TMEM132D: variants seen among roughly 807,000 people sequenced by gnomAD.
TMEM132D encodes the protein transmembrane protein 132D, also known as mature OL transmembrane protein.
TMEM132D carries 21 observed loss-of-function variants against 62.3 expected under a neutral mutation model. The observed-to-expected ratio is 0.34, with a 90% CI of 0.24 to 0.49. The LOEUF is 0.49. Ranked by LOEUF, TMEM132D falls within the 20% of genes least tolerant of loss-of-function variation. The pLI, the probability that TMEM132D is intolerant of heterozygous loss-of-function variation, is 0.99. For missense variants in TMEM132D, 1,346 were observed against 1,402.8 expected (o/e 0.96, Z 0.65); for synonymous variants, 621 against 575.6 (o/e 1.08, Z -1.13).
Position 129,392,526 on chromosome 12 carries a change from G to A in TMEM132D, c.1116-54709C>T, listed in dbSNP as rs532852716. Among the ~76,000 whole-genome samples, 63 of 152,290 alleles carry A rather than the reference G, an allele frequency of 4.1e-4. No individual in the cohort carries two copies. The South Asian group carries it at 6.8e-3, about 17-fold the overall frequency. ...GCCTGCACATCCACATGCAGCATGC[G>A]CTTGTTGACAACACCCTCCCTGTAA... On this transcript the variant is annotated intron_variant, in intron 3 of 8. Transcript: ENST00000422113.
rs1421579128 is a variant in TMEM132D, at chr12:129,072,794, T to A, written c.*1081A>T. On this transcript the variant is annotated 3_prime_UTR_variant, in exon 9 of 9. Transcript: ENST00000422113. The stretch of plus-strand genomic sequence containing the variant: ...TGAACAGTGAAAGACCCATCCCAAG[T>A]GGCCCTGTTTTCTTTCTAGTAAAGC... The A allele has an allele frequency of 1.3e-5, 2 of 152,198 alleles. No homozygotes were observed. Among genetic ancestry groups the A allele is most frequent in the Non-Finnish European group, 2.9e-5 (2 of 68,032 alleles). The allele number at this position is 152,198 out of a possible 1,614,324, so 9.4% of individuals were successfully genotyped here. A position where few individuals can be genotyped will look rare whatever the true frequency, so the allele number is the denominator to read the frequency against.
chr12:129,829,368 T>C (rs1872761105), intron 1 of TMEM132D, among the ~76,000 whole-genome samples: 1 of 152,154 alleles, frequency 6.6e-6, no homozygotes, highest in Non-Finnish European at 1.5e-5. Context: ...TTAGGGATGA[T>C]GGCAATAAGA....
At chr12:129,141,586 G>A (rs139286699) in intron 5 of TMEM132D, among the ~76,000 whole-genome samples, 3 of 152,126 alleles carry the variant, frequency 2.0e-5, no homozygotes, top group East Asian at 1.9e-4. Context: ...CTAAGTTGGC[G>A]AGAACCTGTA....
chr12:129,428,661 T>C (rs762515408), intron 3 of TMEM132D, among the ~76,000 whole-genome samples: 9 of 152,250 alleles, frequency 5.9e-5, no homozygotes, highest in Non-Finnish European at 1.3e-4. Context: ...TCATGGTAGC[T>C]GATATAAAAC....
At chr12:129,675,938 G>C (rs949953516) in intron 2 of TMEM132D, among the ~76,000 whole-genome samples, 1 of 152,168 alleles carries the variant, frequency 6.6e-6, no homozygotes, top group Non-Finnish European at 1.5e-5. Context: ...CAGCAAACTC[G>C]GGCTCTCTTA....
At chr12:129,453,609 T>C (rs1873372315) in intron 3 of TMEM132D, among the ~76,000 whole-genome samples, 2 of 152,190 alleles carry the variant, frequency 1.3e-5, no homozygotes, top group Non-Finnish European at 1.5e-5. Context: ...TGTGCTGTCT[T>C]CTCTCCAACT....
Position 129,731,539 on chromosome 12 carries a change from A to G in TMEM132D, c.80-30841T>C, listed in dbSNP as rs528878598. On this transcript the variant is annotated intron_variant, in intron 1 of 8. Transcript: ENST00000422113. ...CCAGGGAGGACACTGAAGACCTGCC[A>G]GGTGTGTATGAATAACAGCAAGGAG... is the stretch of plus-strand genomic sequence containing the variant. Among the ~76,000 whole-genome samples the G allele has an allele frequency of 2.6e-5, 4 of 152,322 alleles. No individual in the cohort carries two copies. In the East Asian group the frequency reaches 7.7e-4, roughly 29 times the overall value.
intron 5 of TMEM132D, among the ~76,000 whole-genome samples, chr12:129,179,784 T>C (rs1447750551): frequency 6.6e-6 from 1 of 151,854 alleles, no homozygotes; most frequent in East Asian, 1.9e-4. Flanking sequence ...TCCCAGCACT[T>C]TGGGAGGCTG....
intron 5 of TMEM132D, among the ~76,000 whole-genome samples, chr12:129,193,019 G>A (rs956228744): frequency 3.3e-5 from 5 of 152,080 alleles, no homozygotes; most frequent in East Asian, 1.9e-4. Flanking sequence ...TTAGCCGAGC[G>A]CGGTGGCAGG....
chr12:129,219,644 T>G (rs1035208281), intron 4 of TMEM132D, among the ~76,000 whole-genome samples: 1 of 152,244 alleles, frequency 6.6e-6, no homozygotes, highest in African/African-American at 2.4e-5. Context: ...GCAACTTGCA[T>G]GGAGGTGTGT....
At chr12:129,627,529 A>G (rs1381364055) in intron 2 of TMEM132D, among the ~76,000 whole-genome samples, 3 of 152,176 alleles carry the variant, frequency 2.0e-5, no homozygotes, top group Non-Finnish European at 2.9e-5. Flanking sequence ...TATACAAAGT[A>G]TCCCATAAAG....
chr12:129,777,726 C>T (rs1354892672), intron 1 of TMEM132D, among the ~76,000 whole-genome samples: 2 of 152,130 alleles, frequency 1.3e-5, no homozygotes, highest in Non-Finnish European at 2.9e-5. Flanking sequence ...CTTTTTACCA[C>T]CCCTTTACAA....
rs958299659 is a variant in TMEM132D, at chr12:129,779,860, A to G, written c.80-79162T>C. Among the ~76,000 whole-genome samples, 3 of 152,184 alleles carry G rather than the reference A, an allele frequency of 2.0e-5. No homozygotes were observed. Among genetic ancestry groups the G allele is most frequent in the Non-Finnish European group, 4.4e-5 (3 of 68,036 alleles). On this transcript the variant is annotated intron_variant, in intron 1 of 8. Coordinates refer to ENST00000422113, the MANE Select transcript of TMEM132D (RefSeq NM_133448.3). This position sits in a 1 kb window ranked among gnomAD's most constrained non-coding sequence, Gnocchi z 4.1. ...AATGAACTGAGCTGCGAGGACAATA[A>G]TTAAAAGAATCTGCAGGTGAAGCAC...
chr12:129,533,075 G>A (rs967433051), intron 2 of TMEM132D, among the ~76,000 whole-genome samples: 8 of 152,152 alleles, frequency 5.3e-5, no homozygotes, highest in Admixed American at 1.3e-4. Flanking sequence ...CTGATTTGGC[G>A]AGTCCACAAA....
Position 129,531,039 on chromosome 12 carries a change from G to A in TMEM132D, c.1115+20C>T, listed in dbSNP as rs755791895. ...CATTTGCAGCTGATCTGAATATATC[G>A]GAGGCCAGTTGGGACTCACCTGTTT... On this transcript the variant is annotated intron_variant, in intron 3 of 8. Transcript: ENST00000422113. 35 of 1,592,816 alleles carry A rather than the reference G, an allele frequency of 2.2e-5. No individual in the cohort carries two copies. Among genetic ancestry groups the A allele is most frequent in the Admixed American group, 3.5e-5 (2 of 56,738 alleles).
intron 1 of TMEM132D, among the ~76,000 whole-genome samples, chr12:129,759,176 C>G (rs950293783): frequency 6.6e-6 from 1 of 152,092 alleles, no homozygotes. Context: ...TCAGGTGATC[C>G]ACCTACCTCA....
intron 4 of TMEM132D, among the ~76,000 whole-genome samples, chr12:129,323,442 T>C (rs1197661299): frequency 1.3e-5 from 2 of 152,082 alleles, no homozygotes; most frequent in African/African-American, 2.4e-5. Context: ...TAGCATTAGA[T>C]GAATTAACAA....
intron 4 of TMEM132D, among the ~76,000 whole-genome samples, chr12:129,293,172 C>T (rs1196396801): frequency 6.6e-6 from 1 of 152,108 alleles, no homozygotes; most frequent in Non-Finnish European, 1.5e-5. Context: ...TGCAAGCATC[C>T]TCATGTGCCC....
chr12:129,379,653 T>A (rs1181306655), intron 3 of TMEM132D, among the ~76,000 whole-genome samples: 1 of 152,148 alleles, frequency 6.6e-6, no homozygotes, highest in South Asian at 2.1e-4. Context: ...CCTTTGACAA[T>A]GTAATCATCA....
Sources: gnomAD v4.1 joint callset for allele counts (sites outside exome capture counted in the v4.1 genomes callset) on GRCh38, gnomAD v4.1.1 for gene constraint, Gnocchi (gnomAD v3.1) non-coding constraint, MANE v1.5 for transcripts, NCBI Gene and HGNC (gene_info 2026-07-23, HGNC 2026-07-21) for gene names.